Variants in MTHFD1L observed in about 807,000 individuals in gnomAD.
The protein encoded by MTHFD1L is monofunctional C1-tetrahydrofolate synthase, mitochondrial.
MTHFD1L carries 81 observed loss-of-function variants against 119.5 expected under a neutral mutation model. That is an observed-to-expected ratio of 0.68 (90% CI 0.57 to 0.82). The LOEUF is 0.82. Ranked by LOEUF, MTHFD1L falls within the 40% of genes least tolerant of loss-of-function variation. The pLI is 0.00. For missense variants in MTHFD1L, 1,125 were observed against 1,253.4 expected (o/e 0.90, Z 1.55); for synonymous variants, 430 against 475.2 (o/e 0.90, Z 1.24).
Position 150,960,432 on chromosome 6 carries a change from C to T in MTHFD1L, c.1944+17C>T, listed in dbSNP as rs764447789. 1.9e-5 allele frequency: 30 copies of T among 1,589,944 alleles called. No homozygotes were observed. Among genetic ancestry groups the T allele is most frequent in the African/African-American group, 2.7e-5 (2 of 74,484 alleles). On this transcript the variant is annotated intron_variant, in intron 18 of 27. Coordinates refer to ENST00000367321, the MANE Select transcript of MTHFD1L (RefSeq NM_015440.5). ...GATGATTTGGTGAGTGTTTCCAACT[C>T]GGAAGCTTCAGGGAGTGGACGGTCC...
chr6:150,894,903 T>C (rs544837366), intron 7 of MTHFD1L, among the ~76,000 whole-genome samples: 3 of 152,200 alleles, frequency 2.0e-5, no homozygotes, highest in Non-Finnish European at 2.9e-5. Flanking sequence ...GGTTGAAAAT[T>C]GAGAATAAAT....
chr6:151,014,243 G>A (rs1034095385), intron 22 of MTHFD1L, among the ~76,000 whole-genome samples: 7 of 152,118 alleles, frequency 4.6e-5, no homozygotes, highest in Non-Finnish European at 5.9e-5. Flanking sequence ...CTAAGAATCC[G>A]AGAGGAAATG....
chr6:150,916,012 C>G (rs73613266), intron 8 of MTHFD1L, among the ~76,000 whole-genome samples: 3,550 of 152,256 alleles, frequency 0.023, 135 homozygotes, highest in African/African-American at 0.082. Context: ...CACAACAATT[C>G]TCTCTCATCC....
chr6:150,923,537 A>ATTTATTTATTT (rs1254981530), intron 10 of MTHFD1L, among the ~76,000 whole-genome samples: 1 of 95,208 alleles, frequency 1.1e-5, no homozygotes, highest in African/African-American at 5.1e-5. Flanking sequence ...TTATTTATTT[A>ATTTATTTATTT]TTTTTTCTTT....
At chr6:150,955,700 A>G (rs1030126081) in intron 16 of MTHFD1L, among the ~76,000 whole-genome samples, 1 of 152,004 alleles carries the variant, frequency 6.6e-6, no homozygotes, top group African/African-American at 2.4e-5. Context: ...GGGTTTCACC[A>G]TGTTGGCCAG....
chr6:150,908,364 TG>T (rs1762853909), intron 8 of MTHFD1L, among the ~76,000 whole-genome samples: 1 of 151,922 alleles, frequency 6.6e-6, no homozygotes, highest in Non-Finnish European at 1.5e-5. Context: ...GGCTCACGCC[TG>T]TAATCCTAAC....
At chr6:150,951,057 G>GTTTT (rs1324932704) in intron 16 of MTHFD1L, among the ~76,000 whole-genome samples, 1 of 125,388 alleles carries the variant, frequency 8.0e-6, no homozygotes, top group Non-Finnish European at 1.7e-5. Context: ...TTTTTTTTGA[G>GTTTT]ACAGGGCCTC....
At chr6:150,965,866 C>G (rs1188816957) in intron 19 of MTHFD1L, among the ~76,000 whole-genome samples, 1 of 152,018 alleles carries the variant, frequency 6.6e-6, no homozygotes, top group Non-Finnish European at 1.5e-5. Flanking sequence ...AAAGGCAAGT[C>G]AATAAACACA....
intron 9 of MTHFD1L, among the ~76,000 whole-genome samples, chr6:150,921,405 T>A (rs964492699): frequency 2.6e-5 from 4 of 152,070 alleles, no homozygotes; most frequent in African/African-American, 9.7e-5. Flanking sequence ...CGTGAGCCAC[T>A]GCACCTGGCC....
chr6:150,897,088 G>T (rs1246886118), intron 7 of MTHFD1L, among the ~76,000 whole-genome samples: 1 of 152,146 alleles, frequency 6.6e-6, no homozygotes, highest in Non-Finnish European at 1.5e-5. Flanking sequence ...CTGCACTCCA[G>T]CCTGGGCAAT....
At chr6:150,911,211 T>A (rs939647417) in intron 8 of MTHFD1L, among the ~76,000 whole-genome samples, 4 of 152,206 alleles carry the variant, frequency 2.6e-5, no homozygotes, top group Middle Eastern at 3.2e-3. Flanking sequence ...CTGTATAAAT[T>A]TCCTTGTTAA....
intron 11 of MTHFD1L, among the ~76,000 whole-genome samples, chr6:150,930,615 T>G (rs1207294586): frequency 1.3e-5 from 2 of 152,062 alleles, no homozygotes; most frequent in African/African-American, 4.8e-5. Flanking sequence ...ATTTTTGTCC[T>G]GCCTTTTTCT....
chr6:151,030,091 G>A (rs1454910918), intron 24 of MTHFD1L, among the ~76,000 whole-genome samples: 1 of 152,152 alleles, frequency 6.6e-6, no homozygotes, highest in East Asian at 1.9e-4. Context: ...ATAGCATGAC[G>A]TTTACAACGT....
intron 24 of MTHFD1L, among the ~76,000 whole-genome samples, chr6:151,025,867 T>A (rs150851437): frequency 6.6e-6 from 1 of 152,214 alleles, no homozygotes; most frequent in Non-Finnish European, 1.5e-5. Context: ...ACATAGTGTT[T>A]TTCATAGGTC....
intron 7 of MTHFD1L, among the ~76,000 whole-genome samples, chr6:150,888,963 TC>T (rs1305727138): frequency 6.6e-6 from 1 of 152,014 alleles, no homozygotes; most frequent in Non-Finnish European, 1.5e-5. Context: ...TCACTTGAGC[TC>T]AGGAGTTTCA....
In MTHFD1L at chr6:151,093,264, C is replaced by T. The variant is rs1584457452; in HGVS notation, c.*31+677C>T. Among the ~76,000 whole-genome samples the T allele has an allele frequency of 2.6e-5, 4 of 152,176 alleles. No homozygotes were observed. The East Asian group carries it at 5.8e-4, about 22-fold the overall frequency. ...CGTCTCAGCCTCTGTGGTCCCACCA[C>T]GTTCTCCCTGTGTCTGTGTCTTCAC... On this transcript the variant is annotated intron_variant, in intron 27 of 27. Coordinates refer to ENST00000367321, the MANE Select transcript of MTHFD1L (RefSeq NM_015440.5).
In MTHFD1L at chr6:150,971,911, C is replaced by T. The variant is rs188363602; in HGVS notation, c.2014-36C>T. The T allele has an allele frequency of 9.9e-4, 1,574 of 1,584,290 alleles. 14 individuals carry two copies. In the African/African-American group the frequency reaches 0.013, roughly 13 times the overall value. On this transcript the variant is annotated intron_variant, in intron 19 of 27. Coordinates refer to ENST00000367321, the MANE Select transcript of MTHFD1L (RefSeq NM_015440.5). ...TCTTGGTTTCCATGCTTCTGTTTGT[C>T]TTTTGGGATTTTGATTTGCTTTTTC...
chr6:151,020,161 G>T (rs1783747990), intron 24 of MTHFD1L, among the ~76,000 whole-genome samples: 1 of 152,200 alleles, frequency 6.6e-6, no homozygotes, highest in African/African-American at 2.4e-5. Context: ...ATGGCATCTT[G>T]TGTGCTATTC....
At chr6:151,040,058 C>T (rs1431763922) in intron 26 of MTHFD1L, among the ~76,000 whole-genome samples, 1 of 152,196 alleles carries the variant, frequency 6.6e-6, no homozygotes, top group Non-Finnish European at 1.5e-5. Context: ...CTGGACAGTG[C>T]AGGCCCAGAG....
Sources: allele counts gnomAD v4.1 joint callset (sites outside exome capture counted in the v4.1 genomes callset), GRCh38; gene constraint gnomAD v4.1.1; transcripts MANE v1.5; gene names NCBI Gene and HGNC (gene_info 2026-07-23, HGNC 2026-07-21).